SCMH1: variants seen among roughly 807,000 people sequenced by gnomAD.
SCMH1 encodes Scm polycomb group protein homolog 1, also known as polycomb protein SCMH1.
A neutral mutation model predicts 70.8 loss-of-function variants in SCMH1; 37 were observed. The observed-to-expected ratio is 0.52, with a 90% confidence interval of 0.40 to 0.69. SCMH1 has a LOEUF of 0.69. Ranked by LOEUF, SCMH1 falls within the 30% of genes least tolerant of loss-of-function variation. The probability of loss-of-function intolerance (pLI) is 0.00; values close to 1 mark genes in which losing one functional copy is unlikely to be tolerated. For synonymous variants in SCMH1, 292 were observed against 307.4 expected (o/e 0.95, Z 0.52); for missense variants, 607 against 827.3 (o/e 0.73, Z 3.27).
At chr1:41,036,656 C>A (rs1348326350) in intron 13 of SCMH1, among the ~76,000 whole-genome samples, 4 of 152,186 alleles carry the variant, frequency 2.6e-5, no homozygotes, top group Non-Finnish European at 4.4e-5. Context: ...ATTAAACGCC[C>A]ATTTAAGGTC....
intron 2 of SCMH1, among the ~76,000 whole-genome samples, chr1:41,169,619 G>T (rs1358233096): frequency 6.6e-6 from 1 of 152,106 alleles, no homozygotes. Flanking sequence ...TATCAGGGTG[G>T]TGTCAGGTTA....
intron 1 of SCMH1, among the ~76,000 whole-genome samples, chr1:41,216,335 C>T (rs1208748817): frequency 1.3e-5 from 2 of 152,156 alleles, no homozygotes; most frequent in African/African-American, 4.8e-5. Flanking sequence ...TGAAAAATAA[C>T]TCAATTGAAA....
At chr1:41,067,300 C>T (rs958702091) in intron 10 of SCMH1, among the ~76,000 whole-genome samples, 17 of 151,462 alleles carry the variant, frequency 1.1e-4, no homozygotes, top group African/African-American at 3.6e-4. Flanking sequence ...AAAAATTAGT[C>T]GGGTGTGGTG....
At chr1:41,133,977 C>T (rs992060381) in intron 6 of SCMH1, among the ~76,000 whole-genome samples, 3 of 151,958 alleles carry the variant, frequency 2.0e-5, no homozygotes, top group African/African-American at 7.2e-5. Flanking sequence ...AGAGACACAA[C>T]AAAAAAACAG....
intron 1 of SCMH1, among the ~76,000 whole-genome samples, chr1:41,232,305 C>T (rs907485370): frequency 5.9e-5 from 9 of 152,242 alleles, no homozygotes; most frequent in African/African-American, 1.9e-4. Context: ...CTGATCCTAA[C>T]GAGGAATCTA....
At chr1:41,178,958 AT>A (rs1234456740) in intron 2 of SCMH1, among the ~76,000 whole-genome samples, 11 of 152,226 alleles carry the variant, frequency 7.2e-5, no homozygotes, top group African/African-American at 2.7e-4. Flanking sequence ...CACCACACTT[AT>A]TCCAAAATTG....
chr1:41,028,996 G>A (rs575645139), intron 13 of SCMH1, among the ~76,000 whole-genome samples: 1 of 152,248 alleles, frequency 6.6e-6, no homozygotes, highest in South Asian at 2.1e-4. Context: ...TGAGACAGTG[G>A]TACCAACATG....
intron 2 of SCMH1, among the ~76,000 whole-genome samples, chr1:41,169,032 CA>C (rs907926708): frequency 3.3e-5 from 5 of 152,134 alleles, no homozygotes; most frequent in African/African-American, 7.2e-5. Context: ...AGATCTGTGG[CA>C]AAAACCTGTA....
exon 15 of SCMH1, chr1:41,028,311 A>T: frequency 6.2e-7 from 1 of 1,608,728 alleles, no homozygotes; most frequent in East Asian, 2.2e-5. Context: ...GGGCCTTGCC[A>T]TCGATCTCCT....
intron 1 of SCMH1, among the ~76,000 whole-genome samples, chr1:41,200,397 G>A (rs111311846): frequency 9.9e-5 from 15 of 151,968 alleles, no homozygotes; most frequent in South Asian, 2.1e-4. Flanking sequence ...GGAGAATGGC[G>A]TGAACCCAGG....
At chr1:41,175,920 A>C (rs1372324820) in intron 2 of SCMH1, among the ~76,000 whole-genome samples, 1 of 152,072 alleles carries the variant, frequency 6.6e-6, no homozygotes, top group African/African-American at 2.4e-5. Context: ...TTTATGTTTA[A>C]AAATTTTCAT....
chr1:41,171,272 A>G (rs1646764535), intron 2 of SCMH1, among the ~76,000 whole-genome samples: 1 of 152,188 alleles, frequency 6.6e-6, no homozygotes, highest in African/African-American at 2.4e-5. Flanking sequence ...TCCAGCTGGA[A>G]TAGACATTTA....
chr1:41,064,749 T>C (rs955790412), intron 10 of SCMH1, among the ~76,000 whole-genome samples: 1 of 148,660 alleles, frequency 6.7e-6, no homozygotes, highest in African/African-American at 2.4e-5. Flanking sequence ...ACCATCTCTA[T>C]AAAAAAAATA....
intron 6 of SCMH1, among the ~76,000 whole-genome samples, chr1:41,127,371 T>C (rs773080512): frequency 1.2e-4 from 19 of 152,198 alleles, no homozygotes; most frequent in Non-Finnish European, 2.2e-4. Flanking sequence ...TTTGTCGGTC[T>C]ATCTAGATTT....
chr1:41,240,772 A>G (rs1160177930), intron 1 of SCMH1, among the ~76,000 whole-genome samples: 1 of 150,986 alleles, frequency 6.6e-6, no homozygotes, highest in African/African-American at 2.4e-5. Context: ...TAAGTTCAAA[A>G]TACAGTACAG....
In SCMH1 at chr1:41,186,101, T is replaced by C. The variant is rs887935020; in HGVS notation, c.13+20A>G. 2.6e-6 allele frequency: 4 copies of C among 1,547,026 alleles called. No individual in the cohort carries two copies. The highest frequency in any genetic ancestry group is 3.5e-6 in the Non-Finnish European group (4 of 1,144,306). On this transcript the variant is annotated intron_variant, in intron 2 of 14. Transcript: ENST00000337495. ...CTCTTAATCCCTCTTACCTCCACGATAGGGTAAAAAGATACTTACCATTAG... is the reference window on the plus strand; with the variant it reads ...CTCTTAATCCCTCTTACCTCCACGACAGGGTAAAAAGATACTTACCATTAG...
Position 41,113,454 on chromosome 1 carries a change from G to T in SCMH1, c.574C>A (p.His192Asn), listed in dbSNP as rs1485608482. ...CCAATAGTGGCTGGGCAAATGAAATGAGGGTTCTTCCTGTCCACAGCTTCT... is the reference window on the plus strand; with the variant it reads ...CCAATAGTGGCTGGGCAAATGAAATTAGGGTTCTTCCTGTCCACAGCTTCT... The change falls in exon 8 of 15, where the codon CAT (histidine) becomes AAT (asparagine). Residue 192 changes from histidine (H) to asparagine (N), a missense_variant. His to Asn is a moderately conservative substitution (Grantham distance 68, BLOSUM62 1). Around this residue, in one of 3 missense-constraint regions of SCMH1, gnomAD observed 105 missense variants for 214.5 expected, o/e 0.49. Coordinates refer to ENST00000337495, the Ensembl canonical transcript of SCMH1. The surrounding 1 kb of genome is among the most constrained non-coding windows in gnomAD (Gnocchi z 4.3). 6.2e-7 allele frequency: 1 copy of T among 1,614,042 alleles called. No individual in the cohort carries two copies. Among genetic ancestry groups the T allele is most frequent in the East Asian group, 2.2e-5 (1 of 44,872 alleles).
intron 6 of SCMH1, among the ~76,000 whole-genome samples, chr1:41,119,568 C>T (rs1299705961): frequency 6.6e-6 from 1 of 152,090 alleles, no homozygotes; most frequent in East Asian, 1.9e-4. Context: ...GCATCAAATT[C>T]CCCTAGACCA....
intron 2 of SCMH1, among the ~76,000 whole-genome samples, chr1:41,167,907 G>GTTTTTT (rs202043541): frequency 4.0e-5 from 2 of 49,704 alleles, no homozygotes. Flanking sequence ...TGCTGGCAGT[G>GTTTTTT]TTTTGTTTTT....
Sources: gnomAD v4.1 joint callset for allele counts (sites outside exome capture counted in the v4.1 genomes callset) on GRCh38, gnomAD v4.1.1 for gene constraint, gnomAD v4.1.1 regional missense constraint, Gnocchi (gnomAD v3.1) non-coding constraint, MANE v1.5 for transcripts, NCBI Gene and HGNC (gene_info 2026-07-23, HGNC 2026-07-21) for gene names.